RTKN2: variants seen among roughly 807,000 people sequenced by gnomAD.
RTKN2 encodes rhotekin-2.
A neutral mutation model predicts 71.5 loss-of-function variants in RTKN2; 69 were observed. That is an observed-to-expected ratio of 0.96 (90% CI 0.79 to 1.18). The LOEUF (loss-of-function observed/expected upper bound fraction) is 1.18, where lower values mean the gene tolerates loss of function less well. Ranked by LOEUF, RTKN2 falls within the 50% of genes most tolerant of loss-of-function variation. The probability of loss-of-function intolerance (pLI) is 0.00; values close to 1 mark genes in which losing one functional copy is unlikely to be tolerated. For missense variants in RTKN2, 724 were observed against 719.7 expected (o/e 1.01, Z -0.07); for synonymous variants, 236 against 236.5 (o/e 1.00, Z 0.02).
intron 2 of RTKN2, among the ~76,000 whole-genome samples, chr10:62,260,111 A>C (rs1007822463): frequency 2.0e-5 from 3 of 152,228 alleles, no homozygotes; most frequent in Non-Finnish European, 4.4e-5. Flanking sequence ...TCTGGCAGCA[A>C]TATAAAACTG....
At chr10:62,238,278 A>C (rs1015034232) in intron 5 of RTKN2, 1 of 152,038 alleles carries the variant, frequency 6.6e-6, no homozygotes, top group African/African-American at 2.4e-5. Context: ...ATTAAAAACA[A>C]TCATCATAAC....
At chr10:62,233,043 T>C (rs962813494) in intron 6 of RTKN2, among the ~76,000 whole-genome samples, 1 of 152,208 alleles carries the variant, frequency 6.6e-6, no homozygotes, top group Non-Finnish European at 1.5e-5. Flanking sequence ...TGTTTTTACA[T>C]GCTGTAAAGG....
At chr10:62,258,715 T>C (rs1273449289) in intron 2 of RTKN2, among the ~76,000 whole-genome samples, 1 of 152,194 alleles carries the variant, frequency 6.6e-6, no homozygotes, top group African/African-American at 2.4e-5. Context: ...ACAATGTTTT[T>C]ATATGAATGA....
intron 6 of RTKN2, among the ~76,000 whole-genome samples, chr10:62,230,317 G>A (rs1001449134): frequency 2.6e-5 from 4 of 151,890 alleles, no homozygotes; most frequent in Non-Finnish European, 4.4e-5. Context: ...GATTACAGGC[G>A]CTCACCACCA....
Position 62,232,895 on chromosome 10 carries a change from A to ATTATT in RTKN2, c.686+3166_686+3170dup, listed in dbSNP as rs1842179417. Among the ~76,000 whole-genome samples the ATTATT allele has an allele frequency of 2.7e-5, 4 of 150,342 alleles. No individual in the cohort carries two copies. The South Asian group carries it at 8.3e-4, about 31-fold the overall frequency. On this transcript the variant is annotated intron_variant, in intron 6 of 11. Coordinates refer to ENST00000373789, the MANE Select transcript of RTKN2 (RefSeq NM_145307.4). Reference sequence around the variant, plus strand: ...TGGAGTTGAGATATTATTATGTATTATTATTACAGAAGGAAAAACAAAAAC... The same window carrying ATTATT: ...TGGAGTTGAGATATTATTATGTATTATTATTTTATTACAGAAGGAAAAACAAAAAC...
chr10:62,234,337 C>T (rs1052221918), intron 6 of RTKN2, among the ~76,000 whole-genome samples: 9 of 151,880 alleles, frequency 5.9e-5, no homozygotes, highest in African/African-American at 2.2e-4. Flanking sequence ...TCAGCCTGAG[C>T]AATGTGGTGA....
Position 62,193,788 on chromosome 10 carries a change from T to C in RTKN2, c.*4120A>G. ...TAAACTAAAAGTAAGGTTATGTCAA[T>C]GGATTTTTAAAAGAGTATACTTTAA... On this transcript the variant is annotated 3_prime_UTR_variant, in exon 12 of 12. Coordinates refer to ENST00000373789, the MANE Select transcript of RTKN2 (RefSeq NM_145307.4). The C allele has an allele frequency of 1.0e-6, 1 of 984,194 alleles. No homozygotes were observed. The highest frequency in any genetic ancestry group is 6.1e-5 in the Admixed American group (1 of 16,284). 61.0% of individuals were successfully genotyped at this position (984,194 alleles called of 1,614,324 possible).
chr10:62,258,641 A>G, intron 2 of RTKN2, among the ~76,000 whole-genome samples: 1 of 152,200 alleles, frequency 6.6e-6, no homozygotes, highest in Admixed American at 6.5e-5. Flanking sequence ...ATAAAATGAT[A>G]AAACATAACA....
intron 9 of RTKN2, among the ~76,000 whole-genome samples, chr10:62,211,633 T>C (rs1004487807): frequency 2.0e-5 from 3 of 152,168 alleles, no homozygotes; most frequent in African/African-American, 7.2e-5. Flanking sequence ...TAGAGACCAT[T>C]AGAAATATAC....
At chr10:62,255,483 A>C (rs1212037137) in intron 2 of RTKN2, among the ~76,000 whole-genome samples, 1 of 152,246 alleles carries the variant, frequency 6.6e-6, no homozygotes, top group African/African-American at 2.4e-5. Flanking sequence ...ACATTGAATA[A>C]AAATCCAGGA....
downstream of RTKN2, among the ~76,000 whole-genome samples, chr10:62,189,777 CAA>C (rs1841191281): frequency 6.6e-6 from 1 of 151,656 alleles, no homozygotes; most frequent in Non-Finnish European, 1.5e-5. Flanking sequence ...TGCAGTGAGC[CAA>C]GATCACGCCA....
At chr10:62,198,612 C>T (rs1378404364) in intron 11 of RTKN2, among the ~76,000 whole-genome samples, 169 bp from the exon 12 acceptor site, 1 of 152,008 alleles carries the variant, frequency 6.6e-6, no homozygotes, top group Admixed American at 6.6e-5. Flanking sequence ...CTAAAAAGAT[C>T]ATGCGCTGCA....
At chr10:62,186,522 G>A (rs1443799175) in intron 8 of RTKN2, among the ~76,000 whole-genome samples, 3 of 137,472 alleles carry the variant, frequency 2.2e-5, no homozygotes, top group African/African-American at 5.4e-5. Flanking sequence ...GACAGAAGAC[G>A]TGTGTCCTAT....
intron 7 of RTKN2, among the ~76,000 whole-genome samples, chr10:62,218,865 A>T (rs975918096): frequency 6.6e-6 from 1 of 150,788 alleles, no homozygotes; most frequent in Non-Finnish European, 1.5e-5. Context: ...GCATGCTTGT[A>T]GTCCCAGCTG....
In RTKN2 at chr10:62,236,125, T is replaced by C; in HGVS notation, c.627A>G (p.Ile209Met). 6.2e-7 allele frequency: 1 copy of C among 1,613,116 alleles called. No homozygotes were observed. Among genetic ancestry groups the C allele is most frequent in the African/African-American group, 1.3e-5 (1 of 75,002 alleles). The change falls in exon 6 of 12, where the codon ATA (isoleucine) becomes ATG (methionine). Residue 209 changes from isoleucine to methionine, a missense_variant. Coordinates refer to ENST00000373789, the MANE Select transcript of RTKN2 (RefSeq NM_145307.4). ...TSISKATGKK[I>M]SSVLQEEDDE... The stretch of plus-strand genomic sequence containing the variant: ...CATCCTCTTCTTGAAGCACTGAACT[T>C]ATTTTCTTTCCTGTAGCTTTACTTA...
Position 62,193,895 on chromosome 10 carries a change from GCTA to G in RTKN2, c.*4010_*4012del. The G allele has an allele frequency of 1.0e-6, 1 of 981,418 alleles. No homozygotes were observed. The highest frequency in any genetic ancestry group is 1.2e-6 in the Non-Finnish European group (1 of 826,320). 60.8% of individuals were successfully genotyped at this position (981,418 alleles called of 1,614,324 possible). A position where few individuals can be genotyped will look rare whatever the true frequency, so the allele number is the denominator to read the frequency against. On this transcript the variant is annotated 3_prime_UTR_variant, in exon 12 of 12. Transcript: ENST00000373789. Reference sequence around the variant, plus strand: ...GTTAGTCTTATAATAATTAGCACCAGCTACTTGGTATGTCTTTTTCTGATTAAA... The same window carrying G: ...GTTAGTCTTATAATAATTAGCACCAGCTTGGTATGTCTTTTTCTGATTAAA...
intron 2 of RTKN2, among the ~76,000 whole-genome samples, chr10:62,257,675 A>G (rs887491429): frequency 6.6e-6 from 1 of 152,232 alleles, no homozygotes; most frequent in African/African-American, 2.4e-5. Context: ...TGGAATGCCT[A>G]TTTCAGTAAA....
intron 6 of RTKN2, among the ~76,000 whole-genome samples, chr10:62,226,498 T>C (rs1291108855): frequency 5.9e-5 from 9 of 152,250 alleles, no homozygotes; most frequent in Non-Finnish European, 1.3e-4. Context: ...TAGGAAAATT[T>C]ATGTTTCTGT....
chr10:62,215,109 G>C lies in RTKN2; in HGVS notation c.1020+2009C>G. 5.0e-6 allele frequency: 7 copies of C among 1,394,910 alleles called. No individual in the cohort carries two copies. The South Asian group carries it at 9.2e-5, about 18-fold the overall frequency. 86.4% of individuals were successfully genotyped at this position (1,394,910 alleles called of 1,614,324 possible). ...ACTAATGACTTCAAAAATATCATTT[G>C]TTTAGATTACATTTTATTTTATGAC... On this transcript the variant is annotated intron_variant, in intron 9 of 11. Transcript: ENST00000373789.
Sources: allele counts gnomAD v4.1 joint callset (sites outside exome capture counted in the v4.1 genomes callset), GRCh38; gene constraint gnomAD v4.1.1; transcripts MANE v1.5; gene names NCBI Gene and HGNC (gene_info 2026-07-23, HGNC 2026-07-21).